KCTD16: variants seen among roughly 807,000 people sequenced by gnomAD.
The protein encoded by KCTD16 is BTB/POZ domain-containing protein KCTD16.
KCTD16 carries 13 observed loss-of-function variants against 33.2 expected under a neutral mutation model. The observed-to-expected ratio is 0.39, with a 90% CI of 0.25 to 0.62. KCTD16 has a LOEUF of 0.62. Ranked by LOEUF, KCTD16 falls within the 20% of genes least tolerant of loss-of-function variation. The pLI is 0.50. For synonymous variants in KCTD16, 197 were observed against 195.3 expected (o/e 1.01, Z -0.07); for missense variants, 441 against 525.1 (o/e 0.84, Z 1.57).
intron 3 of KCTD16, among the ~76,000 whole-genome samples, chr5:144,232,738 A>G (rs1236608547): frequency 2.0e-5 from 3 of 152,218 alleles, no homozygotes; most frequent in East Asian, 1.9e-4. Context: ...AACCACATGA[A>G]AAAAGTAAAA....
chr5:144,426,315 C>T (rs1753328150), intron 3 of KCTD16, among the ~76,000 whole-genome samples: 1 of 152,136 alleles, frequency 6.6e-6, no homozygotes, highest in African/African-American at 2.4e-5. Flanking sequence ...ACAGCCTTTA[C>T]TGTGGATATT....
intron 3 of KCTD16, among the ~76,000 whole-genome samples, chr5:144,390,888 A>AT (rs1488103574): frequency 2.6e-5 from 4 of 151,958 alleles, no homozygotes; most frequent in Admixed American, 1.3e-4. Flanking sequence ...CCGAGAAGTG[A>AT]TTTTTTCAAA....
At chr5:144,421,837 A>G (rs1753218749) in intron 3 of KCTD16, among the ~76,000 whole-genome samples, 1 of 152,126 alleles carries the variant, frequency 6.6e-6, no homozygotes. Flanking sequence ...TAAATAAGAG[A>G]CACTCTGATG....
chr5:144,270,275 T>C (rs1410350597), intron 3 of KCTD16, among the ~76,000 whole-genome samples: 1 of 151,938 alleles, frequency 6.6e-6, no homozygotes, highest in African/African-American at 2.4e-5. Context: ...TTTTCTGTGA[T>C]TGACCATATG....
chr5:144,372,025 T>G (rs1751978457), intron 3 of KCTD16, among the ~76,000 whole-genome samples: 1 of 152,114 alleles, frequency 6.6e-6, no homozygotes, highest in African/African-American at 2.4e-5. Flanking sequence ...GTCTATCTGC[T>G]TGACAGGTTA....
At chr5:144,355,332 C>T (rs935343939) in intron 3 of KCTD16, among the ~76,000 whole-genome samples, 1 of 152,168 alleles carries the variant, frequency 6.6e-6, no homozygotes, top group African/African-American at 2.4e-5. Context: ...AATTTATCTT[C>T]TTGCTTTTAA....
intron 3 of KCTD16, among the ~76,000 whole-genome samples, chr5:144,255,357 A>AT (rs1014907489): frequency 1.5e-4 from 23 of 151,540 alleles, no homozygotes; most frequent in African/African-American, 2.9e-4. Context: ...TGTAAGTGGG[A>AT]TTTTTTTTTA....
At chr5:144,417,554 G>A (rs1580946981) in intron 3 of KCTD16, among the ~76,000 whole-genome samples, 2 of 152,044 alleles carry the variant, frequency 1.3e-5, no homozygotes, top group Admixed American at 1.3e-4. Context: ...CTCCCATTCT[G>A]TAAATTGTCA....
At chr5:144,340,117 A>C (rs1052813907) in intron 3 of KCTD16, among the ~76,000 whole-genome samples, 2 of 152,154 alleles carry the variant, frequency 1.3e-5, no homozygotes, top group Non-Finnish European at 2.9e-5. Context: ...GGTCATGCTT[A>C]AAAATCATGA....
chr5:144,301,672 C>T (rs1423343871), intron 3 of KCTD16, among the ~76,000 whole-genome samples: 1 of 152,172 alleles, frequency 6.6e-6, no homozygotes, highest in Non-Finnish European at 1.5e-5. Context: ...TTTGGTAACG[C>T]TCTGTCATTT....
chr5:144,192,242 C>A (rs1047318521), intron 2 of KCTD16, among the ~76,000 whole-genome samples: 1 of 152,214 alleles, frequency 6.6e-6, no homozygotes, highest in African/African-American at 2.4e-5. Flanking sequence ...ACACTGCCCC[C>A]TTCTGTTACT....
chr5:144,415,873 C>G (rs1247235214), intron 3 of KCTD16, among the ~76,000 whole-genome samples: 2 of 152,118 alleles, frequency 1.3e-5, no homozygotes, highest in Non-Finnish European at 2.9e-5. Context: ...AAATAAGCAT[C>G]TTAGTTATTA....
intron 3 of KCTD16, among the ~76,000 whole-genome samples, chr5:144,441,239 A>G (rs1482068938): frequency 6.6e-6 from 1 of 151,784 alleles, no homozygotes; most frequent in African/African-American, 2.4e-5. Context: ...CAGTGATATC[A>G]TTTGCAGCAC....
chr5:144,365,249 T>C (rs527444580), intron 3 of KCTD16, among the ~76,000 whole-genome samples: 25 of 152,326 alleles, frequency 1.6e-4, no homozygotes, highest in Admixed American at 4.6e-4. Context: ...CCATAGCTAA[T>C]ATTTTATTTT....
chr5:144,431,950 C>G (rs1753473338), intron 3 of KCTD16, among the ~76,000 whole-genome samples: 1 of 152,066 alleles, frequency 6.6e-6, no homozygotes, highest in African/African-American at 2.4e-5. Flanking sequence ...TAAATTTCCT[C>G]TATGACATTT....
In KCTD16 at chr5:144,272,405, G is replaced by A. The variant is rs1483310427; in HGVS notation, c.832+64859G>A. The stretch of plus-strand genomic sequence containing the variant: ...AGGTTGCACCATTGGACTCCAGCCT[G>A]GGCAACAAGAGTGAAACTCCATCTC... On this transcript the variant is annotated intron_variant, in intron 3 of 3. Coordinates refer to ENST00000512467, the MANE Select transcript of KCTD16 (RefSeq NM_020768.4). Among the ~76,000 whole-genome samples, 3 of 152,008 alleles carry A rather than the reference G, an allele frequency of 2.0e-5. No individual in the cohort carries two copies. The South Asian group carries it at 6.2e-4, about 32-fold the overall frequency.
intron 3 of KCTD16, among the ~76,000 whole-genome samples, chr5:144,216,328 C>T (rs1753561713): frequency 6.6e-6 from 1 of 152,140 alleles, no homozygotes; most frequent in African/African-American, 2.4e-5. Flanking sequence ...GGATGGGAGT[C>T]TGTTACTGTG....
chr5:144,268,816 A>G (rs1202130219), intron 3 of KCTD16, among the ~76,000 whole-genome samples: 2 of 152,196 alleles, frequency 1.3e-5, no homozygotes, highest in African/African-American at 4.8e-5. Flanking sequence ...TTAAAAATGT[A>G]CACAGAACTA....
At chr5:144,434,071 G>A (rs1753525854) in intron 3 of KCTD16, among the ~76,000 whole-genome samples, 1 of 152,112 alleles carries the variant, frequency 6.6e-6, no homozygotes, top group Non-Finnish European at 1.5e-5. Context: ...CACACTGAAA[G>A]CTAATTGCTT....
Sources: allele counts gnomAD v4.1 joint callset (sites outside exome capture counted in the v4.1 genomes callset), GRCh38; gene constraint gnomAD v4.1.1; transcripts MANE v1.5; gene names NCBI Gene and HGNC (gene_info 2026-07-23, HGNC 2026-07-21).